SPON1: variants seen among roughly 807,000 people sequenced by gnomAD.
The protein encoded by SPON1 is spondin 1.
A neutral mutation model predicts 111.7 loss-of-function variants in SPON1; 52 were observed. That is an observed-to-expected ratio of 0.47 (90% confidence interval 0.37 to 0.59). The LOEUF is 0.59. SPON1 is among the 20% of genes least tolerant of loss of function. SPON1 has a pLI of 0.00. For synonymous variants in SPON1, 410 were observed against 395.8 expected, an observed-to-expected ratio of 1.04 and a Z score of -0.43; for missense variants, 957 against 1,068.5, an observed-to-expected ratio of 0.90 and a Z score of 1.46.
At chr11:14,002,865 T>C (rs1848330041) in intron 2 of SPON1, among the ~76,000 whole-genome samples, 1 of 152,110 alleles carries the variant, frequency 6.6e-6, no homozygotes. Flanking sequence ...TATCTACCTA[T>C]AATTTTTTTA....
chr11:14,039,834 GT>G (rs1269266948), intron 2 of SPON1, among the ~76,000 whole-genome samples: 2 of 152,156 alleles, frequency 1.3e-5, no homozygotes, highest in Admixed American at 1.3e-4. Flanking sequence ...AGGTATTCAT[GT>G]CTAGAAAATC....
chr11:14,104,899 C>T (rs184189127), intron 5 of SPON1, among the ~76,000 whole-genome samples: 1 of 152,188 alleles, frequency 6.6e-6, no homozygotes, highest in Non-Finnish European at 1.5e-5. Flanking sequence ...AATTATACAG[C>T]TTCTTTACTC....
chr11:14,044,195 C>T (rs1848652187), intron 3 of SPON1, among the ~76,000 whole-genome samples: 2 of 152,082 alleles, frequency 1.3e-5, no homozygotes, highest in African/African-American at 4.8e-5. Context: ...TAAGCTACAA[C>T]TATTTATTAA....
At chr11:14,070,864 C>T (rs915629470) in intron 3 of SPON1, among the ~76,000 whole-genome samples, 1 of 152,096 alleles carries the variant, frequency 6.6e-6, no homozygotes, top group Non-Finnish European at 1.5e-5. Flanking sequence ...TTCAGGATGG[C>T]ATTTTTGGAA....
At chr11:14,126,593 C>A (rs1267407782) in intron 5 of SPON1, among the ~76,000 whole-genome samples, 1 of 152,116 alleles carries the variant, frequency 6.6e-6, no homozygotes, top group Non-Finnish European at 1.5e-5. Flanking sequence ...ATAAATAAAC[C>A]CAGAGAGGCT....
intron 2 of SPON1, among the ~76,000 whole-genome samples, chr11:14,008,479 T>A (rs919090910): frequency 6.6e-6 from 1 of 152,196 alleles, no homozygotes; most frequent in Admixed American, 6.5e-5. Flanking sequence ...CTGACCCACC[T>A]ATGGGTCACA....
chr11:14,263,799 C>G (rs1219299410), intron 15 of SPON1, among the ~76,000 whole-genome samples: 1 of 152,036 alleles, frequency 6.6e-6, no homozygotes, highest in Non-Finnish European at 1.5e-5. Context: ...TAGGCCAAGG[C>G]AGGCCAATCA....
chr11:14,091,389 T>A (rs12577017), intron 5 of SPON1, among the ~76,000 whole-genome samples: 37,377 of 151,218 alleles, frequency 0.25, 5,181 homozygotes, highest in South Asian at 0.39. Context: ...GTGGTGCTCG[T>A]TGGGGAGGCT....
chr11:14,024,745 C>T (rs1474513858), intron 2 of SPON1, among the ~76,000 whole-genome samples: 2 of 152,186 alleles, frequency 1.3e-5, no homozygotes, highest in East Asian at 3.9e-4. Flanking sequence ...TGGGCACAGG[C>T]CCAAGGGTGG....
chr11:14,229,247 G>T (rs528971863), intron 6 of SPON1, among the ~76,000 whole-genome samples: 1 of 152,328 alleles, frequency 6.6e-6, no homozygotes, highest in African/African-American at 2.4e-5. Flanking sequence ...TAGACACCTG[G>T]TGGGGAAGAT....
chr11:14,108,281 G>A (rs1849200674), intron 5 of SPON1, among the ~76,000 whole-genome samples: 1 of 152,182 alleles, frequency 6.6e-6, no homozygotes, highest in Non-Finnish European at 1.5e-5. Flanking sequence ...CAACAGCAAG[G>A]ACTGTGTTAG....
chr11:14,258,716 C>T (rs1455123570), intron 11 of SPON1, among the ~76,000 whole-genome samples: 2 of 152,218 alleles, frequency 1.3e-5, no homozygotes, highest in Non-Finnish European at 2.9e-5. Flanking sequence ...CCCAGTGTTG[C>T]ACTTTCACGA....
At chr11:14,083,806 C>CT (rs1554922288) in intron 5 of SPON1, among the ~76,000 whole-genome samples, 1 of 152,190 alleles carries the variant, frequency 6.6e-6, no homozygotes, top group Non-Finnish European at 1.5e-5. Flanking sequence ...GCAACAAATA[C>CT]TGTCAGTTGT....
At chr11:13,991,337 C>T (rs936682118) in intron 2 of SPON1, among the ~76,000 whole-genome samples, 3 of 152,152 alleles carry the variant, frequency 2.0e-5, no homozygotes, top group Non-Finnish European at 4.4e-5. Flanking sequence ...TCTTTAATCA[C>T]GGATATCCTT....
chr11:14,044,248 C>T (rs548038682), intron 3 of SPON1, among the ~76,000 whole-genome samples: 73 of 152,126 alleles, frequency 4.8e-4, no homozygotes, highest in South Asian at 1.7e-3. Flanking sequence ...GCATTCACCT[C>T]GTAAAATTTC....
intron 2 of SPON1, among the ~76,000 whole-genome samples, 166 bp from the exon 3 acceptor site, chr11:14,041,355 G>A (rs1279230270): frequency 6.6e-6 from 1 of 152,222 alleles, no homozygotes; most frequent in South Asian, 2.1e-4. Context: ...TTCAACAAGC[G>A]TTGACTGGGA....
intron 2 of SPON1, among the ~76,000 whole-genome samples, chr11:14,023,102 C>A (rs115142323): frequency 0.016 from 2,432 of 152,100 alleles, 64 homozygotes; most frequent in African/African-American, 0.055. Flanking sequence ...GTGGGTGAGA[C>A]AAATGGTGGC....
At chr11:14,079,692 T>C (rs1426758075) in intron 4 of SPON1, among the ~76,000 whole-genome samples, 2 of 78,262 alleles carry the variant, frequency 2.6e-5, no homozygotes, top group African/African-American at 1.1e-4. Flanking sequence ...GAAAAAGCTC[T>C]CTTTTTTTTT....
At chr11:14,263,640 A>G (rs1449284687) in intron 15 of SPON1, among the ~76,000 whole-genome samples, 4 of 152,228 alleles carry the variant, frequency 2.6e-5, no homozygotes, top group Non-Finnish European at 5.9e-5. Flanking sequence ...CTGAGGAATG[A>G]GCATCATCTT....
Sources: gnomAD v4.1 joint callset for allele counts (sites outside exome capture counted in the v4.1 genomes callset) on GRCh38, gnomAD v4.1.1 for gene constraint, MANE v1.5 for transcripts, NCBI Gene and HGNC (gene_info 2026-07-23, HGNC 2026-07-21) for gene names.